Variants in DOP1B observed in about 807,000 individuals in gnomAD.
The protein encoded by DOP1B is DOP1 leucine zipper like protein B.
Under a neutral mutation model 233.5 loss-of-function variants are expected in DOP1B, and 174 were observed. The ratio of observed to expected loss-of-function variants is 0.75; its 90% CI spans 0.66 to 0.85. The LOEUF is 0.85. DOP1B is among the 40% of genes least tolerant of loss of function. DOP1B has a pLI of 0.00. For synonymous variants in DOP1B, 1,190 were observed against 1,185.6 expected (o/e 1.00, Z -0.08); for missense variants, 2,652 against 2,846.6 (o/e 0.93, Z 1.56).
In DOP1B at chr21:36,239,862, G is replaced by A. The variant is rs749526282; in HGVS notation, c.2974G>A (p.Val992Met). 62 of 1,596,884 alleles carry A rather than the reference G, an allele frequency of 3.9e-5. No individual in the cohort carries two copies. Among genetic ancestry groups the A allele is most frequent in the South Asian group, 1.1e-4 (10 of 88,962 alleles). The change falls in exon 18 of 37, where the codon GTG (valine) becomes ATG (methionine). Residue 992 changes from valine (V) to methionine (M), a missense_variant. Physicochemically the swap from Val to Met is conservative, Grantham distance 21. Coordinates refer to ENST00000691173, the MANE Select transcript of DOP1B (RefSeq NM_001320714.2). ...GGTGCGTGCGCTCTCCCTCGGGGAC[G>A]TGGCTCGCATCCTCGAACCCGTGCT... Reference protein sequence around the residue: ...WLVRALSLGDVARILEPVLLL... With the variant: ...WLVRALSLGDMARILEPVLLL...
intron 12 of DOP1B, among the ~76,000 whole-genome samples, chr21:36,226,378 A>C (rs1042836560): frequency 2.1e-5 from 3 of 145,428 alleles, no homozygotes; most frequent in South Asian, 4.4e-4. Flanking sequence ...GCTCACTGCA[A>C]CCTCCGCCTC....
chr21:36,214,166 A>G lies in DOP1B; in HGVS notation c.990A>G (p.Lys330=), dbSNP rs1167834630. 6.2e-7 allele frequency: 1 copy of G among 1,613,384 alleles called. No homozygotes were observed. Among genetic ancestry groups the G allele is most frequent in the Non-Finnish European group, 8.5e-7 (1 of 1,179,638 alleles). ...ACCAGTCGTCTTATTTTTTTGAAAA[A>G]TACTCCAAGGATCTTTTAGTTGAGG... ...YEDQSSYFFE[K]YSKDLLVEGL... is the part of the protein sequence containing the mutation. The change falls in exon 8 of 37, where the codon AAA becomes AAG. Residue 330 remains lysine, a synonymous_variant. Coordinates refer to ENST00000691173, the MANE Select transcript of DOP1B (RefSeq NM_001320714.2).
intron 4 of DOP1B, among the ~76,000 whole-genome samples, chr21:36,203,188 G>C (rs754420358): frequency 3.9e-5 from 6 of 152,158 alleles, no homozygotes; most frequent in Non-Finnish European, 7.4e-5. Flanking sequence ...GCCAAGTAAA[G>C]CTTCATGAAT....
Position 36,251,206 on chromosome 21 carries a change from C to G in DOP1B, c.5043C>G (p.Ala1681=), listed in dbSNP as rs1036221676. Residue 1681 remains alanine (A), a synonymous_variant, in exon 22 of 37, where the codon GCC becomes GCG. Coordinates refer to ENST00000691173, the MANE Select transcript of DOP1B (RefSeq NM_001320714.2). Reference sequence around the variant, plus strand: ...TAGACTTCTTAAACCCCTTGACGGCCCATCTTGGGGTTCAGTTGACAGCGG... The same window carrying G: ...TAGACTTCTTAAACCCCTTGACGGCGCATCTTGGGGTTCAGTTGACAGCGG... ...KILDFLNPLT[A]HLGVQLTAAV... 1 of 1,613,846 alleles carries G rather than the reference C, an allele frequency of 6.2e-7. No individual in the cohort carries two copies. Among genetic ancestry groups the G allele is most frequent in the Non-Finnish European group, 8.5e-7 (1 of 1,179,988 alleles).
chr21:36,248,425 G>C lies in DOP1B; in HGVS notation c.4855G>C (p.Ala1619Pro). 1 of 1,613,926 alleles carries C rather than the reference G, an allele frequency of 6.2e-7. No homozygotes were observed. The highest frequency in any genetic ancestry group is 8.5e-7 in the Non-Finnish European group (1 of 1,179,898). Residue 1619 changes from alanine (A) to proline (P), a missense_variant, in exon 21 of 37, where the codon GCC becomes CCC. Physicochemically the swap from Ala to Pro is conservative, Grantham distance 27. This residue lies in a region of DOP1B where 2,617 missense variants were observed against 2,794.3 expected (regional missense o/e 0.94). Coordinates refer to ENST00000691173, the MANE Select transcript of DOP1B (RefSeq NM_001320714.2). ...TGCCAACTTGAGGAATGCCAGAAATGCCATTTTGGAAGAGCTGCCTCGAAC... is the reference window on the plus strand; with the variant it reads ...TGCCAACTTGAGGAATGCCAGAAATCCCATTTTGGAAGAGCTGCCTCGAAC... ...DPANLRNARNAILEELPRTVN... is the reference protein window; with the variant it reads ...DPANLRNARNPILEELPRTVN...
chr21:36,287,886 G>A (rs944821563), intron 32 of DOP1B, 128 bp from the exon 33 acceptor site: 2 of 1,229,574 alleles, frequency 1.6e-6, no homozygotes, highest in African/African-American at 1.5e-5. Context: ...AGCCTGGCCT[G>A]TAACACTCAT....
intron 30 of DOP1B, among the ~76,000 whole-genome samples, 161 bp from the exon 31 acceptor site, chr21:36,280,124 C>T (rs1196581984): frequency 6.6e-6 from 1 of 152,224 alleles, no homozygotes; most frequent in Non-Finnish European, 1.5e-5. Context: ...ATCCGCCCAC[C>T]TCGGCCTCCC....
At chr21:36,267,625 C>CT (rs3029062) in intron 26 of DOP1B, among the ~76,000 whole-genome samples, 6,261 of 116,864 alleles carry the variant, frequency 0.054, 431 homozygotes, top group African/African-American at 0.15. Context: ...TGCAGTGAGA[C>CT]TTTTTTTTTT....
chr21:36,222,730 A>ATTTTAT (rs1223974786), intron 10 of DOP1B, among the ~76,000 whole-genome samples: 7 of 151,780 alleles, frequency 4.6e-5, no homozygotes, highest in South Asian at 4.2e-4. Context: ...AATTATTATT[A>ATTTTAT]TTTTATTTTT....
chr21:36,189,901 C>G (rs1489786966), intron 2 of DOP1B, among the ~76,000 whole-genome samples: 1 of 147,546 alleles, frequency 6.8e-6, no homozygotes, highest in African/African-American at 2.5e-5. Flanking sequence ...TCCCAGCTAC[C>G]TGGGAGACTG....
intron 2 of DOP1B, among the ~76,000 whole-genome samples, chr21:36,180,243 T>C (rs2066080764): frequency 6.6e-6 from 1 of 152,196 alleles, no homozygotes; most frequent in Non-Finnish European, 1.5e-5. Flanking sequence ...CCCTTCCATA[T>C]AGAAATGTGG....
chr21:36,292,531 T>A (rs1019871188), intron 36 of DOP1B, among the ~76,000 whole-genome samples: 2 of 151,772 alleles, frequency 1.3e-5, no homozygotes, highest in Non-Finnish European at 2.9e-5. Context: ...TTCAAGCAAT[T>A]CTCCTCTCAG....
intron 19 of DOP1B, 77 bp from the exon 20 acceptor site, chr21:36,247,440 T>G: frequency 1.0e-6 from 1 of 971,312 alleles, no homozygotes; most frequent in Non-Finnish European, 1.5e-6. Context: ...GTTCCTGTGT[T>G]TATATATAGG....
chr21:36,269,926 T>C (rs760312389), intron 26 of DOP1B, 87 bp from the exon 27 acceptor site: 35 of 1,408,478 alleles, frequency 2.5e-5, no homozygotes, highest in Non-Finnish European at 3.2e-5. Context: ...GGCCTGCATT[T>C]TATTTCTACT....
chr21:36,186,518 G>A (rs1251066602), intron 2 of DOP1B, among the ~76,000 whole-genome samples: 1 of 152,126 alleles, frequency 6.6e-6, no homozygotes, highest in Non-Finnish European at 1.5e-5. Context: ...TGACACACTG[G>A]GGAAGTGGAA....
At chr21:36,216,954 A>T (rs903035274) in intron 9 of DOP1B, among the ~76,000 whole-genome samples, 1 of 152,084 alleles carries the variant, frequency 6.6e-6, no homozygotes, top group Non-Finnish European at 1.5e-5. Context: ...GCACACTTGT[A>T]ATCCCAACTA....
At position 36,226,454 on chromosome 21, in the gene DOP1B, C is replaced by T. The variant is rs576044457; in HGVS notation, c.1473+787C>T. The stretch of plus-strand genomic sequence containing the variant: ...CTGGGATTACAGGCACCTGCCACTA[C>T]GCCCAGCTAATTTTTTGTATTTTTA... On this transcript the variant is annotated intron_variant, in intron 12 of 36. Coordinates refer to ENST00000691173, the MANE Select transcript of DOP1B (RefSeq NM_001320714.2). Among the ~76,000 whole-genome samples the T allele has an allele frequency of 9.9e-5, 15 of 152,030 alleles. No homozygotes were observed. In the East Asian group the frequency reaches 1.2e-3, roughly 12 times the overall value.
intron 13 of DOP1B, among the ~76,000 whole-genome samples, chr21:36,228,690 CAGG>C (rs892668803): frequency 6.6e-6 from 1 of 151,780 alleles, no homozygotes; most frequent in Non-Finnish European, 1.5e-5. Context: ...AGCGTGAACC[CAGG>C]AGGCAGACCT....
intron 5 of DOP1B, among the ~76,000 whole-genome samples, chr21:36,209,854 A>T (rs2066473151): frequency 6.6e-6 from 1 of 152,072 alleles, no homozygotes; most frequent in Admixed American, 6.5e-5. Context: ...TAAAGTGTTC[A>T]GATTGAATTC....
Sources: allele counts gnomAD v4.1 joint callset (sites outside exome capture counted in the v4.1 genomes callset), GRCh38; gene constraint gnomAD v4.1.1; regional missense constraint gnomAD v4.1.1; transcripts MANE v1.5; gene names NCBI Gene and HGNC (gene_info 2026-07-23, HGNC 2026-07-21).